Variants in SH3GL1 observed in about 807,000 individuals in gnomAD.
SH3GL1 encodes SH3 domain containing GRB2 like 1, endophilin A2.
In SH3GL1, 21 loss-of-function variants were observed where a neutral mutation model predicts 48.8. That is an observed-to-expected ratio of 0.43 (90% CI 0.30 to 0.62). The LOEUF is 0.62. SH3GL1 is among the 20% of genes least tolerant of loss of function. SH3GL1 has a pLI of 0.11. For missense variants in SH3GL1, 454 were observed against 503.0 expected (o/e 0.90, Z 0.93); for synonymous variants, 282 against 217.5 (o/e 1.30, Z -2.61).
chr19:4,382,420 G>A (rs1199197023), intron 1 of SH3GL1, among the ~76,000 whole-genome samples: 1 of 151,816 alleles, frequency 6.6e-6, no homozygotes, highest in African/African-American at 2.4e-5. Flanking sequence ...ACCACGCCCG[G>A]CTAATTTTTT....
intron 5 of SH3GL1, 67 bp from the exon 6 acceptor site, chr19:4,363,945 C>T: frequency 6.2e-7 from 1 of 1,607,942 alleles, no homozygotes; most frequent in East Asian, 2.2e-5. Flanking sequence ...ATGGCTTTGA[C>T]CCACTGTCCC....
intron 1 of SH3GL1, among the ~76,000 whole-genome samples, chr19:4,391,116 A>G (rs1973330250): frequency 6.6e-6 from 1 of 152,064 alleles, no homozygotes; most frequent in Admixed American, 6.5e-5. Flanking sequence ...TCCTTTGAGG[A>G]AAAAATGCAA....
intron 1 of SH3GL1, among the ~76,000 whole-genome samples, chr19:4,399,539 T>C (rs1973484704): frequency 6.6e-6 from 1 of 152,072 alleles, no homozygotes; most frequent in Non-Finnish European, 1.5e-5. Flanking sequence ...AAGATATTTT[T>C]GGTTGTCACG....
At chr19:4,390,068 G>A (rs973368070) in intron 1 of SH3GL1, 1 of 152,370 alleles carries the variant, frequency 6.6e-6, no homozygotes, top group East Asian at 1.9e-4. Context: ...GTGGAACTGC[G>A]GCCCGCTAGG....
chr19:4,363,570 GAGGGGAC>G lies in SH3GL1; in HGVS notation c.625-104_625-98del, dbSNP rs1299059566. 18 of 1,377,672 alleles carry G rather than the reference GAGGGGAC, an allele frequency of 1.3e-5. No individual in the cohort carries two copies. The African/African-American group carries it at 3.1e-4, about 24-fold the overall frequency. 85.3% of individuals were successfully genotyped at this position (1,377,672 alleles called of 1,614,324 possible). On this transcript the variant is annotated intron_variant, in intron 6 of 9. Coordinates refer to ENST00000269886, the MANE Select transcript of SH3GL1 (RefSeq NM_003025.4). ...AAGCCACAGGAGGCAAGGGGGCTGA[GAGGGGAC>G]AGGGGACTGGGGCCCATACCCTCCA...
chr19:4,377,376 A>G (rs899473039), intron 1 of SH3GL1, among the ~76,000 whole-genome samples: 2 of 152,210 alleles, frequency 1.3e-5, no homozygotes, highest in African/African-American at 4.8e-5. Flanking sequence ...CAGAGCTGTG[A>G]GCGGGCACTG....
At position 4,360,462 on chromosome 19, in the gene SH3GL1, TGC is replaced by T. The variant is rs1972573131; in HGVS notation, c.*1136_*1137del. On this transcript the variant is annotated 3_prime_UTR_variant, in exon 10 of 10. Transcript: ENST00000269886. ...GTGCCCAAAGCTGTGTGCTCATCTCTGCGCCCCTCATGTACTTCTGACGAGGG... is the reference window on the plus strand; with the variant it reads ...GTGCCCAAAGCTGTGTGCTCATCTCTGCCCCTCATGTACTTCTGACGAGGG... 1 of 235,216 alleles carries T rather than the reference TGC, an allele frequency of 4.3e-6. No individual in the cohort carries two copies. Among genetic ancestry groups the T allele is most frequent in the African/African-American group, 2.2e-5 (1 of 45,414 alleles). The allele number at this position is 235,216 out of a possible 1,614,324, so 14.6% of individuals were successfully genotyped here.
At chr19:4,374,529 G>A (rs901718687) in intron 1 of SH3GL1, among the ~76,000 whole-genome samples, 3 of 152,232 alleles carry the variant, frequency 2.0e-5, no homozygotes, top group African/African-American at 7.2e-5. Flanking sequence ...CCCTGTGCAG[G>A]GCCTGCATCC....
At chr19:4,392,701 C>A (rs1401265914) in intron 1 of SH3GL1, among the ~76,000 whole-genome samples, 1 of 152,130 alleles carries the variant, frequency 6.6e-6, no homozygotes, top group Non-Finnish European at 1.5e-5. Context: ...AATCCCAGCA[C>A]AATGGGAGGC....
chr19:4,391,983 C>G (rs1028165283), intron 1 of SH3GL1, among the ~76,000 whole-genome samples: 12 of 152,350 alleles, frequency 7.9e-5, no homozygotes, highest in South Asian at 6.2e-4. Context: ...CCATTCCCAT[C>G]ATACGTGGAC....
intron 4 of SH3GL1, 94 bp downstream of exon 4, chr19:4,365,388 G>A: frequency 2.0e-6 from 3 of 1,527,286 alleles, no homozygotes; most frequent in Non-Finnish European, 2.7e-6. Context: ...TACGTCCCCG[G>A]CACTCAGCAC....
rs543056354 is a variant in SH3GL1 at position 4,367,148 on chromosome 19, C to T, written c.46-154G>A. On this transcript the variant is annotated intron_variant, in intron 1 of 9. Transcript: ENST00000269886. The surrounding 1 kb of genome is among the most constrained non-coding windows in gnomAD (Gnocchi z 4.2). ...CACACCTCAGGCACTGCCGTGGGCACCCCAGGGCCACACGCTGCCTGCAGA... is the reference window on the plus strand; with the variant it reads ...CACACCTCAGGCACTGCCGTGGGCATCCCAGGGCCACACGCTGCCTGCAGA... Among the ~76,000 whole-genome samples, 26 of 152,250 alleles carry T rather than the reference C, an allele frequency of 1.7e-4. No homozygotes were observed. The highest frequency in any genetic ancestry group is 3.4e-3 in the Middle Eastern group (1 of 294).
chr19:4,366,125 C>T (rs1330725762), intron 3 of SH3GL1, among the ~76,000 whole-genome samples: 1 of 152,200 alleles, frequency 6.6e-6, no homozygotes, highest in African/African-American at 2.4e-5. Flanking sequence ...GTCTCTCAGC[C>T]AGGGAGACCC....
chr19:4,364,914 A>ATT (rs1456609507), intron 4 of SH3GL1, among the ~76,000 whole-genome samples: 7 of 116,646 alleles, frequency 6.0e-5, no homozygotes, highest in African/African-American at 1.4e-4. Context: ...ATATATATAT[A>ATT]TATTTTTTTT....
At chr19:4,384,998 G>GGAGGCT (rs377469409) in intron 1 of SH3GL1, among the ~76,000 whole-genome samples, 162 of 152,160 alleles carry the variant, frequency 1.1e-3, no homozygotes, top group African/African-American at 3.7e-3. Context: ...CAGCTACTCG[G>GGAGGCT]GAGGCTGAGG....
rs2144916607 is a variant in SH3GL1 at position 4,389,239 on chromosome 19, GGGA to G, written c.45+11082_45+11084del. The stretch of plus-strand genomic sequence containing the variant: ...CCAGCCTCAGGAGCTGCCGTCCGAT[GGGA>G]GGAGAGCACCTCACACGAACACCAG... On this transcript the variant is annotated intron_variant, in intron 1 of 9. Coordinates refer to ENST00000269886, the MANE Select transcript of SH3GL1 (RefSeq NM_003025.4). This position sits in a 1 kb window ranked among gnomAD's most constrained non-coding sequence, Gnocchi z 4.5. Among the ~76,000 whole-genome samples, 1 of 152,330 alleles carries G rather than the reference GGGA, an allele frequency of 6.6e-6. No individual in the cohort carries two copies. The highest frequency in any genetic ancestry group is 2.1e-4 in the South Asian group (1 of 4,824).
chr19:4,362,511 C>T, intron 8 of SH3GL1, 101 bp downstream of exon 8: 2 of 1,583,470 alleles, frequency 1.3e-6, no homozygotes, highest in Non-Finnish European at 1.7e-6. Context: ...CTGAGAGCTG[C>T]ACCCAGGAGT....
intron 1 of SH3GL1, among the ~76,000 whole-genome samples, chr19:4,380,567 G>A (rs963550398): frequency 1.4e-4 from 22 of 152,160 alleles, no homozygotes; most frequent in Admixed American, 6.5e-4. Context: ...ATGTGGGAGG[G>A]CGTCACGGGT....
At chr19:4,380,958 C>T (rs1378816307) in intron 1 of SH3GL1, among the ~76,000 whole-genome samples, 3 of 152,120 alleles carry the variant, frequency 2.0e-5, no homozygotes, top group African/African-American at 4.8e-5. Flanking sequence ...GCAAAGTGAA[C>T]CGGTCCTATT....
Sources: allele counts gnomAD v4.1 joint callset (sites outside exome capture counted in the v4.1 genomes callset), GRCh38; gene constraint gnomAD v4.1.1; non-coding constraint Gnocchi (gnomAD v3.1); transcripts MANE v1.5; gene names NCBI Gene and HGNC (gene_info 2026-07-23, HGNC 2026-07-21).